PDE1A: variants seen among roughly 807,000 people sequenced by gnomAD.
The protein encoded by PDE1A is dual specificity calcium/calmodulin-dependent 3',5'-cyclic nucleotide phosphodiesterase 1A.
Under a neutral mutation model 61.7 loss-of-function variants are expected in PDE1A, and 35 were observed. The observed-to-expected ratio is 0.57, with a 90% CI of 0.43 to 0.75. The LOEUF (loss-of-function observed/expected upper bound fraction) is 0.75. Among genes scored for constraint, PDE1A ranks in the 30% least tolerant of loss-of-function variants. PDE1A has a pLI of 0.00. For synonymous variants in PDE1A, 232 were observed against 213.2 expected, an observed-to-expected ratio of 1.09 and a Z score of -0.77; for missense variants, 597 against 630.6, an observed-to-expected ratio of 0.95 and a Z score of 0.57.
rs16823044 is a variant in PDE1A at position 182,317,700 on chromosome 2, G to A, written c.54-53286C>T. On this transcript the variant is annotated intron_variant, in intron 1 of 13. Transcript: ENST00000351439. ...AAGTTTTACTACTAGGAGACAGCCAGTGTGGTAACGGGGCAGGGACCTAGG... is the reference window on the plus strand; with the variant it reads ...AAGTTTTACTACTAGGAGACAGCCAATGTGGTAACGGGGCAGGGACCTAGG... Among the ~76,000 whole-genome samples the A allele has an allele frequency of 7.2e-3, 1,099 of 152,230 alleles. 14 individuals are homozygous for A. The highest frequency in any genetic ancestry group is 0.025 in the African/African-American group (1,052 of 41,524).
At chr2:182,656,805 A>G in the PDE1A span, among the ~76,000 whole-genome samples, 7 of 152,246 alleles carry the variant, frequency 4.6e-5, no homozygotes, top group Non-Finnish European at 1.0e-4. Context: ...TTCATACAAT[A>G]GATCCTGAAA....
At chr2:182,475,437 G>T (rs1451501027) in intron 2 of PDE1A, among the ~76,000 whole-genome samples, 1 of 151,900 alleles carries the variant, frequency 6.6e-6, no homozygotes, top group Non-Finnish European at 1.5e-5. Flanking sequence ...GTATCTCACT[G>T]AGGGGAATAA....
At chr2:182,174,800 T>G (rs2125339859) in intron 13 of PDE1A, among the ~76,000 whole-genome samples, 1 of 152,198 alleles carries the variant, frequency 6.6e-6, no homozygotes, top group South Asian at 2.1e-4. Flanking sequence ...AATGTGTAGG[T>G]TTGTTACAGA....
At chr2:182,171,400 A>G (rs1692200086) in intron 13 of PDE1A, among the ~76,000 whole-genome samples, 1 of 151,946 alleles carries the variant, frequency 6.6e-6, no homozygotes, top group Non-Finnish European at 1.5e-5. Flanking sequence ...TTTTAGGGAA[A>G]CCATCAGGCT....
intron 6 of PDE1A, among the ~76,000 whole-genome samples, chr2:182,225,161 C>G (rs1303923054): frequency 2.0e-5 from 3 of 151,672 alleles, no homozygotes; most frequent in Admixed American, 6.6e-5. Context: ...AGGATGGAGA[C>G]AGAAGAATTT....
At chr2:182,210,273 G>A (rs1687471240) in intron 7 of PDE1A, among the ~76,000 whole-genome samples, 1 of 152,156 alleles carries the variant, frequency 6.6e-6, no homozygotes, top group African/African-American at 2.4e-5. Context: ...ATAAATGAGA[G>A]TTCCTGCTGC....
intron 2 of PDE1A, among the ~76,000 whole-genome samples, chr2:182,453,889 T>C (rs1301905437): frequency 6.6e-6 from 1 of 151,970 alleles, no homozygotes; most frequent in African/African-American, 2.4e-5. Context: ...ACCACTCCTA[T>C]TCAACACAGT....
chr2:182,506,998 G>A (rs1296086645), intron 2 of PDE1A, among the ~76,000 whole-genome samples: 1 of 152,206 alleles, frequency 6.6e-6, no homozygotes, highest in African/African-American at 2.4e-5. Context: ...GCATGCACTG[G>A]AAGAAATATT....
At chr2:182,686,822 C>T in the PDE1A span, among the ~76,000 whole-genome samples, 2 of 152,370 alleles carry the variant, frequency 1.3e-5, no homozygotes, top group African/African-American at 4.8e-5. Context: ...AATTGGGTCA[C>T]TCCCACCCTA....
At chr2:182,264,997 G>A (rs1574193943) in intron 1 of PDE1A, among the ~76,000 whole-genome samples, 1 of 151,116 alleles carries the variant, frequency 6.6e-6, no homozygotes, top group African/African-American at 2.4e-5. Context: ...TAAGTTAGGT[G>A]ACTCAGGAAT....
At chr2:182,564,622 C>T in the PDE1A span, among the ~76,000 whole-genome samples, 11 of 152,276 alleles carry the variant, frequency 7.2e-5, no homozygotes, top group African/African-American at 2.6e-4. Context: ...TGGGGAAGTT[C>T]TCCTGGATAA....
intron 1 of PDE1A, among the ~76,000 whole-genome samples, chr2:182,322,408 C>T (rs1407278064): frequency 1.3e-5 from 2 of 152,156 alleles, no homozygotes; most frequent in Non-Finnish European, 2.9e-5. Flanking sequence ...GTACTCTTCT[C>T]ATGATAATGA....
chr2:182,621,492 A>T, the PDE1A span, among the ~76,000 whole-genome samples: 1 of 152,146 alleles, frequency 6.6e-6, no homozygotes, highest in African/African-American at 2.4e-5. Context: ...TCTCCTCAGG[A>T]GGAATAATAC....
intron 1 of PDE1A, among the ~76,000 whole-genome samples, chr2:182,407,256 T>G (rs1175107012): frequency 6.6e-6 from 1 of 152,214 alleles, no homozygotes; most frequent in African/African-American, 2.4e-5. Flanking sequence ...CTAAAAAATC[T>G]TCATCAAAAA....
intron 10 of PDE1A, among the ~76,000 whole-genome samples, chr2:182,200,079 A>C (rs1686489415): frequency 6.6e-6 from 1 of 152,250 alleles, no homozygotes; most frequent in South Asian, 2.1e-4. Flanking sequence ...AAACTTTCAA[A>C]ATAAAGAACA....
intron 2 of PDE1A, among the ~76,000 whole-genome samples, chr2:182,512,360 T>A (rs1689856738): frequency 6.6e-6 from 1 of 151,940 alleles, no homozygotes; most frequent in African/African-American, 2.4e-5. Flanking sequence ...CCCCCTGAAA[T>A]AATCCAAAAA....
the PDE1A span, among the ~76,000 whole-genome samples, chr2:182,575,353 A>T: frequency 1.3e-5 from 2 of 151,978 alleles, no homozygotes; most frequent in Non-Finnish European, 2.9e-5. Flanking sequence ...CAATCACCCC[A>T]GCCAACACTA....
chr2:182,268,448 C>T (rs1692786039), intron 1 of PDE1A, among the ~76,000 whole-genome samples: 1 of 151,950 alleles, frequency 6.6e-6, no homozygotes, highest in African/African-American at 2.4e-5. Flanking sequence ...CACAAAACCA[C>T]ACTTATATAT....
chr2:182,485,845 T>C (rs1451412889), intron 2 of PDE1A, among the ~76,000 whole-genome samples: 2 of 151,930 alleles, frequency 1.3e-5, no homozygotes, highest in Non-Finnish European at 2.9e-5. Context: ...AGAAACTTCA[T>C]CAACAAGGGC....
Sources: allele counts gnomAD v4.1 joint callset (sites outside exome capture counted in the v4.1 genomes callset), GRCh38; gene constraint gnomAD v4.1.1; transcripts MANE v1.5; gene names NCBI Gene and HGNC (gene_info 2026-07-23, HGNC 2026-07-21).